The following MAP3K7CL variants were observed in gnomAD, a reference collection of about 807,000 sequenced individuals.
The protein encoded by MAP3K7CL is MAP3K7 C-terminal-like protein.
MAP3K7CL carries 16 observed loss-of-function variants against 18.6 expected under a neutral mutation model. That is an observed-to-expected ratio of 0.86 (90% CI 0.58 to 1.31). MAP3K7CL has a LOEUF of 1.31. MAP3K7CL is among the 50% of genes most tolerant of loss of function. MAP3K7CL has a pLI of 0.00. For synonymous variants in MAP3K7CL, 65 were observed against 66.8 expected (o/e 0.97, Z 0.13); for missense variants, 163 against 174.4 (o/e 0.93, Z 0.37).
intron 4 of MAP3K7CL, among the ~76,000 whole-genome samples, chr21:29,169,164 C>G (rs757965448): frequency 6.6e-6 from 1 of 152,208 alleles, no homozygotes; most frequent in Non-Finnish European, 1.5e-5. Flanking sequence ...TGCCCAACGA[C>G]AAAGAATTGC....
chr21:29,131,353 C>T (rs532019840), intron 1 of MAP3K7CL: 7 of 152,214 alleles, frequency 4.6e-5, no homozygotes, highest in Admixed American at 6.5e-5. Flanking sequence ...TAAAGTGATT[C>T]GGTGATTGTA....
In MAP3K7CL at chr21:29,174,922, GCT is replaced by G. The variant is rs751469310; in HGVS notation, c.*31_*32del. 1.2e-5 allele frequency: 19 copies of G among 1,603,064 alleles called. No individual in the cohort carries two copies. In the Admixed American group the frequency reaches 3.2e-4, roughly 27 times the overall value. On this transcript the variant is annotated 3_prime_UTR_variant, in exon 5 of 5. Coordinates refer to ENST00000399928, the MANE Select transcript of MAP3K7CL (RefSeq NM_001286620.2). Reference sequence around the variant, plus strand: ...AAATTTTTCAGTGTGAGCATACGAGGCTGATGACTGCCCTGTGCTGGCCAAAA... The same window carrying G: ...AAATTTTTCAGTGTGAGCATACGAGGGATGACTGCCCTGTGCTGGCCAAAA...
chr21:29,168,061 G>C (rs2087735741), intron 4 of MAP3K7CL, among the ~76,000 whole-genome samples: 1 of 152,064 alleles, frequency 6.6e-6, no homozygotes, highest in Non-Finnish European at 1.5e-5. Flanking sequence ...TTTGCAAAAG[G>C]ATTCCACAGC....
chr21:29,162,535 T>G (rs1470524291), intron 4 of MAP3K7CL, among the ~76,000 whole-genome samples: 2 of 149,714 alleles, frequency 1.3e-5, no homozygotes, highest in African/African-American at 4.9e-5. Flanking sequence ...ATACAAAAAT[T>G]AGCCTGGTGT....
intron 4 of MAP3K7CL, chr21:29,109,761 C>G: frequency 2.0e-6 from 2 of 985,554 alleles, no homozygotes; most frequent in Non-Finnish European, 2.4e-6. Flanking sequence ...CAAAATTGTA[C>G]AATGGTCTAA....
intron 2 of MAP3K7CL, among the ~76,000 whole-genome samples, chr21:29,134,832 G>A (rs187997682): frequency 3.3e-5 from 5 of 152,296 alleles, no homozygotes; most frequent in African/African-American, 9.6e-5. Flanking sequence ...GGTGGATCAC[G>A]AGGTCAGGAG....
At chr21:29,094,222 T>A (rs1291913174) in intron 4 of MAP3K7CL, among the ~76,000 whole-genome samples, 7 of 152,178 alleles carry the variant, frequency 4.6e-5, no homozygotes, top group Admixed American at 1.3e-4. Context: ...AGCCTAAACA[T>A]CCCACAATCC....
intron 4 of MAP3K7CL, among the ~76,000 whole-genome samples, chr21:29,095,623 T>C (rs2086109368): frequency 1.3e-5 from 2 of 152,240 alleles, no homozygotes; most frequent in South Asian, 4.1e-4. Context: ...ACTTATGTGC[T>C]GTGAATACAA....
At chr21:29,120,863 C>T (rs972254182) in intron 4 of MAP3K7CL, among the ~76,000 whole-genome samples, 7 of 151,484 alleles carry the variant, frequency 4.6e-5, no homozygotes, top group African/African-American at 7.3e-5. Flanking sequence ...CCCAGGAGTT[C>T]GAGACCAGCC....
chr21:29,123,995 A>G (rs1278033716), intron 4 of MAP3K7CL, among the ~76,000 whole-genome samples: 1 of 152,220 alleles, frequency 6.6e-6, no homozygotes, highest in Non-Finnish European at 1.5e-5. Flanking sequence ...TTATTTTCTC[A>G]TACAGTCAAA....
At chr21:29,113,472 C>T (rs1015610256) in intron 4 of MAP3K7CL, among the ~76,000 whole-genome samples, 23 of 152,126 alleles carry the variant, frequency 1.5e-4, no homozygotes, top group African/African-American at 5.3e-4. Context: ...AACAATCCAC[C>T]TGGTTGCTCG....
chr21:29,091,563 C>T (rs750833790), exon 2 of MAP3K7CL: 2 of 701,530 alleles, frequency 2.9e-6, no homozygotes, highest in South Asian at 3.0e-5. Context: ...ACAGCCCTGA[C>T]CTCCTGGGCC....
intron 4 of MAP3K7CL, among the ~76,000 whole-genome samples, chr21:29,169,073 T>C (rs2087760171): frequency 6.6e-6 from 1 of 152,152 alleles, no homozygotes; most frequent in Non-Finnish European, 1.5e-5. Flanking sequence ...TTTTGGTTGG[T>C]GAGTGTAGGT....
At chr21:29,125,152 T>C (rs949754488) in intron 4 of MAP3K7CL, among the ~76,000 whole-genome samples, 1 of 152,276 alleles carries the variant, frequency 6.6e-6, no homozygotes, top group African/African-American at 2.4e-5. Flanking sequence ...GTGCCTGTTT[T>C]ATTTCTGGCA....
upstream of MAP3K7CL, among the ~76,000 whole-genome samples, chr21:29,082,046 A>G (rs1231612750): frequency 6.6e-6 from 1 of 152,238 alleles, no homozygotes; most frequent in Non-Finnish European, 1.5e-5. Flanking sequence ...CAAAATGAAT[A>G]AAACAGGGAT....
intron 4 of MAP3K7CL, among the ~76,000 whole-genome samples, chr21:29,161,012 A>G (rs895607824): frequency 2.0e-5 from 3 of 152,242 alleles, no homozygotes; most frequent in African/African-American, 7.2e-5. Flanking sequence ...TCAGCTAATT[A>G]AAAAATATTT....
intron 1 of MAP3K7CL, among the ~76,000 whole-genome samples, chr21:29,086,779 T>C (rs945490364): frequency 6.6e-6 from 1 of 152,248 alleles, no homozygotes; most frequent in Non-Finnish European, 1.5e-5. Flanking sequence ...CCCTGAGTTT[T>C]AAAGTAATAA....
At chr21:29,167,747 T>A (rs1422879042) in intron 4 of MAP3K7CL, among the ~76,000 whole-genome samples, 1 of 144,540 alleles carries the variant, frequency 6.9e-6, no homozygotes, top group Non-Finnish European at 1.5e-5. Context: ...TCACCCAGGC[T>A]GGAATGCAGT....
intron 1 of MAP3K7CL, among the ~76,000 whole-genome samples, chr21:29,087,791 C>T (rs994081654): frequency 1.4e-4 from 21 of 151,916 alleles, no homozygotes; most frequent in African/African-American, 5.1e-4. Flanking sequence ...GACGGGGTTT[C>T]ACTGAGTTAG....
Sources: allele counts gnomAD v4.1 joint callset (sites outside exome capture counted in the v4.1 genomes callset), GRCh38; gene constraint gnomAD v4.1.1; transcripts MANE v1.5; gene names NCBI Gene and HGNC (gene_info 2026-07-23, HGNC 2026-07-21).